Variants in CPED1 observed in about 807,000 individuals in gnomAD.
CPED1 encodes cadherin like and PC-esterase domain containing 1, also known as cadherin-like and PC-esterase domain-containing protein 1.
In CPED1, 114 loss-of-function variants were observed where a neutral mutation model predicts 128.2. That is an observed-to-expected ratio of 0.89 (90% CI 0.76 to 1.04). The LOEUF is 1.04. Among genes scored for constraint, CPED1 ranks in the 50% least tolerant of loss-of-function variants. The pLI, the probability that CPED1 is intolerant of heterozygous loss-of-function variation, is 0.00. For synonymous variants in CPED1, 462 were observed against 426.7 expected (o/e 1.08, Z -1.02); for missense variants, 1,211 against 1,207.1 (o/e 1.00, Z -0.05).
chr7:121,291,638 G>C (rs534154967), intron 22 of CPED1, among the ~76,000 whole-genome samples: 1 of 152,106 alleles, frequency 6.6e-6, no homozygotes, highest in African/African-American at 2.4e-5. Context: ...TGTGATTTTT[G>C]CACATTGATC....
chr7:121,156,830 G>A (rs1187435291), intron 16 of CPED1, among the ~76,000 whole-genome samples: 1 of 152,038 alleles, frequency 6.6e-6, no homozygotes, highest in Non-Finnish European at 1.5e-5. Context: ...ATCTCTCATG[G>A]CTCGTACATA....
intron 21 of CPED1, among the ~76,000 whole-genome samples, chr7:121,268,489 C>A (rs1290527320): frequency 6.6e-5 from 10 of 151,874 alleles, no homozygotes; most frequent in Non-Finnish European, 7.4e-5. Context: ...AGAGGAAGGG[C>A]AAAGAATAGA....
intron 16 of CPED1, among the ~76,000 whole-genome samples, chr7:121,192,924 G>T (rs1797178831): frequency 1.3e-5 from 2 of 152,124 alleles, no homozygotes; most frequent in Admixed American, 6.6e-5. Context: ...TTTGTCATCA[G>T]GATCAACCAT....
At chr7:121,260,354 T>C (rs988914929) in intron 18 of CPED1, among the ~76,000 whole-genome samples, 1 of 150,004 alleles carries the variant, frequency 6.7e-6, no homozygotes, top group Non-Finnish European at 1.5e-5. Context: ...TTAATTAAAA[T>C]GCACAATTGG....
intron 4 of CPED1, among the ~76,000 whole-genome samples, chr7:121,047,695 T>TCCTCCTCC (rs1793243045): frequency 2.6e-5 from 1 of 38,168 alleles, no homozygotes; most frequent in African/African-American, 9.8e-5. Flanking sequence ...CTTCTTCTTC[T>TCCTCCTCC]TCTTCTTCTT....
intron 22 of CPED1, among the ~76,000 whole-genome samples, chr7:121,281,803 G>A (rs1333741016): frequency 6.6e-6 from 1 of 152,088 alleles, no homozygotes; most frequent in Admixed American, 6.6e-5. Flanking sequence ...TTAATCAAAT[G>A]TGAACATTGC....
Position 121,244,245 on chromosome 7 carries a change from G to A in CPED1, c.2217G>A (p.Thr739=), listed in dbSNP as rs201393659. 2.0e-5 allele frequency: 32 copies of A among 1,614,014 alleles called. No individual in the cohort carries two copies. The highest frequency in any genetic ancestry group is 8.9e-5 in the East Asian group (4 of 44,894). ...GCCTTAGTTGTTCGGACAACAGGAC[G>A]TGTGACTGGAGAGAAATAACCTGGC... The part of the protein sequence containing the change: ...VPCLSCSDNR[T]CDWREITWQP... Residue 739 remains threonine (T), a synonymous_variant, in exon 18 of 23, where the codon ACG becomes ACA. Transcript: ENST00000310396.
chr7:121,030,140 C>T (rs933312403), intron 3 of CPED1, among the ~76,000 whole-genome samples: 1 of 152,130 alleles, frequency 6.6e-6, no homozygotes, highest in African/African-American at 2.4e-5. Flanking sequence ...TTAAGCATCA[C>T]ACATGCACAC....
At chr7:121,097,131 G>A (rs1434315094) in intron 5 of CPED1, among the ~76,000 whole-genome samples, 1 of 152,016 alleles carries the variant, frequency 6.6e-6, no homozygotes, top group Admixed American at 6.6e-5. Flanking sequence ...TTATTTTTAA[G>A]CATGTCCATA....
chr7:121,273,836 A>C (rs188918932), intron 22 of CPED1, among the ~76,000 whole-genome samples: 3 of 152,258 alleles, frequency 2.0e-5, no homozygotes, highest in African/African-American at 7.2e-5. Context: ...TCCTATTTGC[A>C]AAAGTCAAGA....
At chr7:121,248,327 C>T (rs572179496) in intron 18 of CPED1, among the ~76,000 whole-genome samples, 8 of 152,252 alleles carry the variant, frequency 5.3e-5, no homozygotes, top group East Asian at 3.9e-4. Flanking sequence ...GGGAGCCCCA[C>T]AGCTTGGATC....
chr7:121,249,960 A>C (rs1483416982), intron 18 of CPED1, among the ~76,000 whole-genome samples: 2 of 152,230 alleles, frequency 1.3e-5, no homozygotes, highest in Non-Finnish European at 2.9e-5. Flanking sequence ...TCAGCTCTGC[A>C]CCAAGCGGAA....
intron 16 of CPED1, among the ~76,000 whole-genome samples, chr7:121,201,223 T>G (rs1350340854): frequency 6.6e-6 from 1 of 151,848 alleles, no homozygotes; most frequent in Non-Finnish European, 1.5e-5. Context: ...TAGAAATAAA[T>G]TATTATCAAG....
intron 21 of CPED1, among the ~76,000 whole-genome samples, chr7:121,269,808 T>C (rs1391501059): frequency 1.3e-5 from 2 of 152,022 alleles, no homozygotes; most frequent in Admixed American, 1.3e-4. Flanking sequence ...CTGCTTTGCA[T>C]TGCTATAAAG....
At chr7:121,072,969 T>C (rs150431114) in intron 5 of CPED1, among the ~76,000 whole-genome samples, 9 of 152,228 alleles carry the variant, frequency 5.9e-5, no homozygotes, top group Non-Finnish European at 1.0e-4. Context: ...AAGCCTCCAT[T>C]GTAGCAGTGT....
intron 3 of CPED1, among the ~76,000 whole-genome samples, chr7:121,019,818 G>A (rs142934248): frequency 2.0e-3 from 309 of 152,052 alleles, no homozygotes; most frequent in African/African-American, 7.1e-3. Context: ...TTCTCTAAAG[G>A]AGAATTCCTT....
intron 7 of CPED1, among the ~76,000 whole-genome samples, chr7:121,101,388 C>G (rs1794846391): frequency 6.6e-6 from 1 of 152,022 alleles, no homozygotes; most frequent in Admixed American, 6.6e-5. Flanking sequence ...ATCTTTAATT[C>G]TAAAAATTTG....
intron 16 of CPED1, among the ~76,000 whole-genome samples, chr7:121,228,301 A>C (rs1349738580): frequency 6.6e-6 from 1 of 152,038 alleles, no homozygotes; most frequent in Non-Finnish European, 1.5e-5. Flanking sequence ...GAAAAAGCAA[A>C]TAATTCCATC....
chr7:121,015,463 C>T (rs1477986454), intron 2 of CPED1, among the ~76,000 whole-genome samples: 1 of 152,196 alleles, frequency 6.6e-6, no homozygotes. Flanking sequence ...CTTTCTGTTA[C>T]AGTGAGGACA....
Sources: gnomAD v4.1 joint callset for allele counts (sites outside exome capture counted in the v4.1 genomes callset) on GRCh38, gnomAD v4.1.1 for gene constraint, MANE v1.5 for transcripts, NCBI Gene and HGNC (gene_info 2026-07-23, HGNC 2026-07-21) for gene names.